ZNF735: variants seen among roughly 807,000 people sequenced by gnomAD.
ZNF735 encodes zinc finger protein 735, also known as putative zinc finger protein 735.
ZNF735 carries 11 observed loss-of-function variants against 13.4 expected under a neutral mutation model. The ratio of observed to expected loss-of-function variants is 0.82; its 90% CI spans 0.52 to 1.36. The LOEUF (loss-of-function observed/expected upper bound fraction) is 1.36. ZNF735 is among the 40% of genes most tolerant of loss of function. ZNF735 has a pLI of 0.00. For synonymous variants in ZNF735, 171 were observed against 162.6 expected (o/e 1.05, Z -0.39); for missense variants, 500 against 484.6 (o/e 1.03, Z -0.30).
At chr7:64,217,652 C>A (rs916110575) in intron 3 of ZNF735, among the ~76,000 whole-genome samples, 38 of 151,844 alleles carry the variant, frequency 2.5e-4, no homozygotes, top group South Asian at 1.0e-3. Context: ...GTTACAGATT[C>A]CTAGTAAATG....
intron 1 of ZNF735, 81 bp downstream of exon 1, chr7:64,207,322 C>A (rs1787300519): frequency 6.2e-6 from 10 of 1,613,258 alleles, no homozygotes; most frequent in Non-Finnish European, 8.5e-6. Context: ...AGGACCCATA[C>A]TTCCTCGCAG....
chr7:64,219,935 G>T, exon 4 of ZNF735: 1 of 1,607,380 alleles, frequency 6.2e-7, no homozygotes, highest in South Asian at 1.1e-5. Context: ...ACTGGAGAGA[G>T]ACCCTACAAA....
At chr7:64,208,583 T>A (rs1296727375) in intron 1 of ZNF735, among the ~76,000 whole-genome samples, 1 of 152,090 alleles carries the variant, frequency 6.6e-6, no homozygotes, top group Non-Finnish European at 1.5e-5. Flanking sequence ...ACCTTTTATT[T>A]TAGGTTCAGG....
At chr7:64,216,224 A>AGGT (rs1308735997) in intron 3 of ZNF735, among the ~76,000 whole-genome samples, 2 of 151,850 alleles carry the variant, frequency 1.3e-5, no homozygotes, top group Non-Finnish European at 2.9e-5. Flanking sequence ...TGAACCCAGG[A>AGGT]GGTGGCGCTT....
chr7:64,216,064 G>C (rs913335307), intron 3 of ZNF735, among the ~76,000 whole-genome samples: 2 of 152,102 alleles, frequency 1.3e-5, no homozygotes, highest in African/African-American at 4.8e-5. Flanking sequence ...GGGAGGCTGA[G>C]GCGGGTGGAT....
intron 2 of ZNF735, among the ~76,000 whole-genome samples, chr7:64,213,775 A>G (rs978254429): frequency 2.0e-5 from 3 of 152,018 alleles, no homozygotes; most frequent in Admixed American, 2.0e-4. Context: ...CCTGGCTAAT[A>G]TGGTGAAACT....
chr7:64,214,038 G>C, exon 3 of ZNF735: 1 of 1,599,396 alleles, frequency 6.3e-7, no homozygotes, highest in East Asian at 2.2e-5. Flanking sequence ...AGCCAGACTT[G>C]ATCGCCTGTC....
chr7:64,217,772 A>G (rs1787439827), intron 3 of ZNF735, among the ~76,000 whole-genome samples: 1 of 152,064 alleles, frequency 6.6e-6, no homozygotes, highest in Non-Finnish European at 1.5e-5. Flanking sequence ...TGGAGATTTT[A>G]TAAAACCTCT....
At chr7:64,208,514 C>T (rs1787320824) in intron 1 of ZNF735, among the ~76,000 whole-genome samples, 1 of 152,090 alleles carries the variant, frequency 6.6e-6, no homozygotes, top group Admixed American at 6.6e-5. Flanking sequence ...GCCTCAGCCT[C>T]CCAACAGGCT....
At position 64,220,082 on chromosome 7, in the gene ZNF735, A is replaced by G. The variant is rs1425026411; in HGVS notation, c.1031A>G (p.Lys344Arg). ...TGCTCCTCGACTCTTAAGACACATA[A>G]GATAATTCATACTGGAGAGAAACCC... The change falls in exon 4 of 4, where the codon AAG (lysine) becomes AGG (arginine). Residue 344 changes from lysine to arginine, a missense_variant. Physicochemically the swap from Lys to Arg is conservative, Grantham distance 26. Transcript: ENST00000429565. The G allele has an allele frequency of 2.5e-6, 4 of 1,613,680 alleles. No homozygotes were observed. In the East Asian group the frequency reaches 8.9e-5, roughly 36 times the overall value.
intron 3 of ZNF735, among the ~76,000 whole-genome samples, chr7:64,214,310 A>T (rs1787394672): frequency 6.6e-6 from 1 of 152,014 alleles, no homozygotes; most frequent in Non-Finnish European, 1.5e-5. Context: ...TAAATTCTCT[A>T]AGGATTCTAC....
At position 64,214,925 on chromosome 7, in the gene ZNF735, A is replaced by C. The variant is rs1282477517; in HGVS notation, c.262+817A>C. 2.6e-5 allele frequency among the ~76,000 whole-genome samples: 4 copies of C among 152,048 alleles called. No homozygotes were observed. The East Asian group carries it at 7.7e-4, about 29-fold the overall frequency. On this transcript the variant is annotated intron_variant, in intron 3 of 3. Coordinates refer to ENST00000429565, the Ensembl canonical transcript of ZNF735. Reference sequence around the variant, plus strand: ...TTATAGTGGTCATCCTAATTGATGTAAGGTAATTTTGTTTTGTATTGTTAT... The same window carrying C: ...TTATAGTGGTCATCCTAATTGATGTCAGGTAATTTTGTTTTGTATTGTTAT...
At chr7:64,217,229 G>A (rs907392049) in intron 3 of ZNF735, among the ~76,000 whole-genome samples, 2 of 152,150 alleles carry the variant, frequency 1.3e-5, no homozygotes, top group South Asian at 2.1e-4. Context: ...CCTCACACTC[G>A]CATCATCTTT....
intron 3 of ZNF735, among the ~76,000 whole-genome samples, chr7:64,216,780 A>G (rs1034740536): frequency 3.3e-5 from 5 of 151,864 alleles, no homozygotes; most frequent in African/African-American, 4.8e-5. Context: ...CTAATTCTCA[A>G]TTATTTGTAG....
intron 1 of ZNF735, 116 bp from the exon 2 acceptor site, chr7:64,212,976 T>A: frequency 9.0e-7 from 1 of 1,115,560 alleles, no homozygotes; most frequent in Non-Finnish European, 1.3e-6. Flanking sequence ...TCAGTCACTC[T>A]TGTAAGTGAG....
chr7:64,214,125 G>GA lies in ZNF735; in HGVS notation c.262+19dup. 6.3e-7 allele frequency: 1 copy of GA among 1,597,642 alleles called. No individual in the cohort carries two copies. The highest frequency in any genetic ancestry group is 1.1e-5 in the South Asian group (1 of 90,764). On this transcript the variant is annotated intron_variant, in intron 3 of 3. Coordinates refer to ENST00000429565, the Ensembl canonical transcript of ZNF735. ...AACACCCAGGTAGGTGAGAGCAAAT[G>GA]AAGCAGATGACACGGATGAGATGTC...
At chr7:64,217,986 A>G (rs1467551871) in intron 3 of ZNF735, among the ~76,000 whole-genome samples, 1 of 152,100 alleles carries the variant, frequency 6.6e-6, no homozygotes, top group Non-Finnish European at 1.5e-5. Flanking sequence ...CAATAATGCC[A>G]CAGAATTTTA....
chr7:64,207,222 C>A (rs1193264905), exon 1 of ZNF735: 2 of 1,614,174 alleles, frequency 1.2e-6, no homozygotes, highest in South Asian at 1.1e-5. Context: ...AGACCGGGAC[C>A]CCCTGGAAGC....
intron 1 of ZNF735, among the ~76,000 whole-genome samples, chr7:64,207,548 T>C (rs549675183): frequency 2.0e-5 from 3 of 152,312 alleles, no homozygotes; most frequent in African/African-American, 4.8e-5. Flanking sequence ...GGGAAAGTTA[T>C]CAGGGGAGAA....
Sources: gnomAD v4.1 joint callset for allele counts (sites outside exome capture counted in the v4.1 genomes callset) on GRCh38, gnomAD v4.1.1 for gene constraint, MANE v1.5 for transcripts, NCBI Gene and HGNC (gene_info 2026-07-23, HGNC 2026-07-21) for gene names.